Variants in BCL6 observed in about 807,000 individuals in gnomAD.
BCL6 encodes the protein B-cell lymphoma 6 protein.
BCL6 carries 7 observed loss-of-function variants against 59.5 expected under a neutral mutation model. The observed-to-expected ratio is 0.12, with a 90% confidence interval of 0.07 to 0.22. BCL6 has a LOEUF of 0.22. BCL6 is among the 10% of genes least tolerant of loss of function. The probability of loss-of-function intolerance (pLI) is 1.00; values close to 1 mark genes in which losing one functional copy is unlikely to be tolerated. For missense variants in BCL6, 685 were observed against 939.4 expected, an observed-to-expected ratio of 0.73 and a Z score of 3.54; for synonymous variants, 339 against 349.7, an observed-to-expected ratio of 0.97 and a Z score of 0.34.
intron 1 of BCL6, among the ~76,000 whole-genome samples, chr3:187,744,201 T>C (rs148200833): frequency 2.6e-5 from 4 of 152,166 alleles, no homozygotes; most frequent in Admixed American, 6.5e-5. Context: ...GCGCCCAAAA[T>C]ACAAACACCG....
At position 187,725,228 on chromosome 3, in the gene BCL6, A is replaced by ACTCTGCTCACCTGCCCACTC. The variant is rs1459416578; in HGVS notation, c.1840-170_1840-151dup. Reference sequence around the variant, plus strand: ...GACTGAGTGGGCCTTTCTGCTGCCCACTCTGCTCACCTGCCCACTCCTCTG... The same window carrying ACTCTGCTCACCTGCCCACTC: ...GACTGAGTGGGCCTTTCTGCTGCCCACTCTGCTCACCTGCCCACTCCTCTGCTCACCTGCCCACTCCTCTG... On this transcript the variant is annotated intron_variant, in intron 8 of 9. Coordinates refer to ENST00000406870, the MANE Select transcript of BCL6 (RefSeq NM_001706.5). The surrounding 1 kb of genome is among the most constrained non-coding windows in gnomAD (Gnocchi z 4.7). 9 of 1,313,482 alleles carry ACTCTGCTCACCTGCCCACTC rather than the reference A, an allele frequency of 6.9e-6. No individual in the cohort carries two copies. Among genetic ancestry groups the ACTCTGCTCACCTGCCCACTC allele is most frequent in the East Asian group, 2.5e-5 (1 of 40,232 alleles). The allele number at this position is 1,313,482 out of a possible 1,614,324, so 81.4% of individuals were successfully genotyped here. A position where few individuals can be genotyped will look rare whatever the true frequency, so the allele number is the denominator to read the frequency against.
intron 4 of BCL6, among the ~76,000 whole-genome samples, chr3:187,731,161 A>G (rs1419628078): frequency 1.3e-5 from 2 of 152,172 alleles, no homozygotes; most frequent in South Asian, 2.1e-4. Context: ...ACTCCATTCA[A>G]TTCAATAAAT....
intron 1 of BCL6, among the ~76,000 whole-genome samples, chr3:187,744,628 A>T: frequency 6.6e-6 from 1 of 152,168 alleles, no homozygotes. Context: ...TTCCTTCCAA[A>T]TCTCGGTTCG....
At chr3:187,730,120 T>C in intron 4 of BCL6, 99 bp from the exon 5 acceptor site, 1 of 1,451,592 alleles carries the variant, frequency 6.9e-7, no homozygotes, top group Non-Finnish European at 9.2e-7. Flanking sequence ...TGTGTTTGAA[T>C]TAGCTAGACA....
chr3:187,742,014 T>C (rs1390436766), intron 1 of BCL6, among the ~76,000 whole-genome samples: 1 of 152,150 alleles, frequency 6.6e-6, no homozygotes, highest in Admixed American at 6.5e-5. Context: ...TTGCCTATTA[T>C]AACACCATCC....
At chr3:187,744,983 G>C (rs916292252) in intron 1 of BCL6, among the ~76,000 whole-genome samples, 10 of 151,700 alleles carry the variant, frequency 6.6e-5, no homozygotes, top group East Asian at 3.9e-4. Context: ...CACCCCCCAA[G>C]CACTGTCTCG....
chr3:187,740,343 AC>A (rs1711542223), intron 1 of BCL6, among the ~76,000 whole-genome samples: 1 of 151,040 alleles, frequency 6.6e-6, no homozygotes, highest in South Asian at 2.1e-4. Context: ...CCAGGCCTTA[AC>A]CCCCCTCTTA....
At chr3:187,740,139 G>C (rs981711115) in intron 1 of BCL6, among the ~76,000 whole-genome samples, 17 of 152,206 alleles carry the variant, frequency 1.1e-4, no homozygotes, top group Non-Finnish European at 2.5e-4. Flanking sequence ...ACGCGCGTTT[G>C]CCATCTTAAG....
At chr3:187,744,740 GGACAGGGGAAGGGAAGGAAGAA>G in intron 1 of BCL6, among the ~76,000 whole-genome samples, 1 of 151,992 alleles carries the variant, frequency 6.6e-6, no homozygotes, top group East Asian at 1.9e-4. Context: ...TTACCCAGAA[GGACAGGGGAAGGGAAGGAAGAA>G]GAGGCGAGGA....
At chr3:187,738,922 G>T (rs993961162) in intron 1 of BCL6, among the ~76,000 whole-genome samples, 2 of 152,184 alleles carry the variant, frequency 1.3e-5, no homozygotes, top group Non-Finnish European at 2.9e-5. Flanking sequence ...TGAAGTAAGT[G>T]CATTTATTGG....
rs554720497 is a variant in BCL6, at chr3:187,728,361, A to G, written c.1539T>C (p.Cys513=). 2.5e-6 allele frequency: 4 copies of G among 1,585,954 alleles called. No individual in the cohort carries two copies. The African/African-American group carries it at 5.4e-5, about 21-fold the overall frequency. Residue 513 remains cysteine, a splice_region_variant and synonymous_variant, in exon 6 of 10, where the codon TGT becomes TGC. Transcript: ENST00000406870. The part of the protein sequence containing the change: ...ETQSEYSDSS[C]ENGAFFCNEC... ...GAGGAGGGAGGGAAAAGGACTCACC[A>G]CAGCTAGAATCTGAGTACTCAGACT...
intron 1 of BCL6, among the ~76,000 whole-genome samples, chr3:187,744,294 G>A (rs529029197): frequency 3.3e-5 from 5 of 152,126 alleles, no homozygotes; most frequent in Admixed American, 1.3e-4. Flanking sequence ...ACACTGAAAG[G>A]CATCGCAGGT....
At position 187,733,527 on chromosome 3, in the gene BCL6, C is replaced by T; in HGVS notation, c.161+6G>A. The T allele has an allele frequency of 6.2e-7, 1 of 1,612,244 alleles. No homozygotes were observed. On this transcript the variant is annotated splice_donor_region_variant and intron_variant, in intron 3 of 9. Transcript: ENST00000406870. ...CTTACCCACCCTTTCCTTTCAGATCCCTCACCTGCAGGCCATGAGGACCGT... is the reference window on the plus strand; with the variant it reads ...CTTACCCACCCTTTCCTTTCAGATCTCTCACCTGCAGGCCATGAGGACCGT...
intron 3 of BCL6, among the ~76,000 whole-genome samples, chr3:187,733,092 T>C (rs1339330200): frequency 6.6e-6 from 1 of 152,218 alleles, no homozygotes; most frequent in Admixed American, 6.5e-5. Context: ...AACTCTTGCA[T>C]ATACTCTGAA....
chr3:187,724,854 TGCTCCACCTCCTTCCCTGC>T (rs199791064), intron 9 of BCL6, 68 bp downstream of exon 9: 42 of 1,469,892 alleles, frequency 2.9e-5, no homozygotes, highest in South Asian at 1.7e-4. Flanking sequence ...ACTGCCTCCC[TGCTCCACCTCCTTCCCTGC>T]GCTCCACCTC....
chr3:187,743,124 C>T (rs1387205834), intron 1 of BCL6, among the ~76,000 whole-genome samples: 1 of 151,978 alleles, frequency 6.6e-6, no homozygotes, highest in Non-Finnish European at 1.5e-5. Context: ...CTCAGAGCCA[C>T]AAACTGTATT....
At chr3:187,726,605 G>A in intron 7 of BCL6, 126 bp downstream of exon 7, 1 of 1,363,342 alleles carries the variant, frequency 7.3e-7, no homozygotes, top group Non-Finnish European at 1.0e-6. Context: ...GTTCAGGCCA[G>A]GATGGGGCCT....
rs374100804 is a variant in BCL6 at position 187,726,720 on chromosome 3, C to T, written c.1708+11G>A. On this transcript the variant is annotated intron_variant, in intron 7 of 9. Coordinates refer to ENST00000406870, the MANE Select transcript of BCL6 (RefSeq NM_001706.5). ...TGTGGAGAGTTCGGGTCGTGTGGGG[C>T]AGGGCCATACCGGTATGGACGGTCT... 1 of 1,612,928 alleles carries T rather than the reference C, an allele frequency of 6.2e-7. No homozygotes were observed. The highest frequency in any genetic ancestry group is 8.5e-7 in the Non-Finnish European group (1 of 1,179,558).
At chr3:187,728,266 A>C in intron 6 of BCL6, 94 bp downstream of exon 6, 1 of 1,280,700 alleles carries the variant, frequency 7.8e-7, no homozygotes, top group Non-Finnish European at 1.1e-6. Flanking sequence ...TGCTCCAATC[A>C]GAGACAACAG....
Sources: allele counts gnomAD v4.1 joint callset (sites outside exome capture counted in the v4.1 genomes callset), GRCh38; gene constraint gnomAD v4.1.1; non-coding constraint Gnocchi (gnomAD v3.1); transcripts MANE v1.5; gene names NCBI Gene and HGNC (gene_info 2026-07-23, HGNC 2026-07-21).